Variants in CPQ observed in about 807,000 individuals in gnomAD.
CPQ encodes carboxypeptidase Q.
In CPQ, 37 loss-of-function variants were observed where a neutral mutation model predicts 45.7. The ratio of observed to expected loss-of-function variants is 0.81; its 90% CI spans 0.62 to 1.07. The LOEUF is 1.07. Among genes scored for constraint, CPQ ranks in the 50% least tolerant of loss-of-function variants. CPQ has a pLI of 0.00. For synonymous variants in CPQ, 186 were observed against 205.8 expected, an observed-to-expected ratio of 0.90 and a Z score of 0.82; for missense variants, 537 against 572.9, an observed-to-expected ratio of 0.94 and a Z score of 0.64.
intron 5 of CPQ, among the ~76,000 whole-genome samples, chr8:96,988,511 G>A (rs761411544): frequency 8.5e-5 from 13 of 152,122 alleles, no homozygotes; most frequent in Admixed American, 5.9e-4. Flanking sequence ...TTTATTGCTT[G>A]GAAACCATGA....
chr8:97,076,897 AAACTT>A (rs1271980042), intron 7 of CPQ, among the ~76,000 whole-genome samples: 5 of 152,184 alleles, frequency 3.3e-5, no homozygotes, highest in African/African-American at 9.7e-5. Flanking sequence ...GACTCCCCAA[AAACTT>A]AACTACTAAT....
intron 1 of CPQ, among the ~76,000 whole-genome samples, chr8:96,747,054 G>T (rs1281559980): frequency 6.6e-6 from 1 of 152,158 alleles, no homozygotes; most frequent in Non-Finnish European, 1.5e-5. Flanking sequence ...ACTTTGGGAG[G>T]CTGAGGCGGG....
At chr8:96,986,273 CA>C (rs1486663315) in intron 5 of CPQ, among the ~76,000 whole-genome samples, 1 of 152,190 alleles carries the variant, frequency 6.6e-6, no homozygotes, top group Non-Finnish European at 1.5e-5. Context: ...CCACCCTTGA[CA>C]AATGACCCTA....
At chr8:96,691,144 A>T (rs776429947) in intron 1 of CPQ, among the ~76,000 whole-genome samples, 1 of 152,210 alleles carries the variant, frequency 6.6e-6, no homozygotes, top group African/African-American at 2.4e-5. Flanking sequence ...AAATGAAGGT[A>T]ACAGCAGGGA....
chr8:96,663,420 G>A (rs1228436091), intron 1 of CPQ, among the ~76,000 whole-genome samples: 4 of 152,190 alleles, frequency 2.6e-5, no homozygotes, highest in Non-Finnish European at 5.9e-5. Flanking sequence ...CTTCCTGATG[G>A]GGAAGCAGTT....
At chr8:96,988,067 T>C (rs1007455168) in intron 5 of CPQ, among the ~76,000 whole-genome samples, 4 of 152,220 alleles carry the variant, frequency 2.6e-5, no homozygotes, top group Non-Finnish European at 5.9e-5. Context: ...ATCCAAAGAA[T>C]TCAGACACTT....
At chr8:96,786,689 T>C (rs1810772859) in intron 2 of CPQ, among the ~76,000 whole-genome samples, 1 of 152,160 alleles carries the variant, frequency 6.6e-6, no homozygotes, top group Non-Finnish European at 1.5e-5. Context: ...CACTTGTTAT[T>C]ATCTGTCTTC....
chr8:96,691,216 C>T (rs1428709932), intron 1 of CPQ, among the ~76,000 whole-genome samples: 1 of 152,162 alleles, frequency 6.6e-6, no homozygotes, highest in Admixed American at 6.5e-5. Flanking sequence ...GTTCTAGTGG[C>T]TCCAGATGTT....
chr8:97,034,099 A>T (rs1294159363), intron 6 of CPQ, among the ~76,000 whole-genome samples: 1 of 151,226 alleles, frequency 6.6e-6, no homozygotes, highest in South Asian at 2.1e-4. Flanking sequence ...ATTATAAAGG[A>T]TGTGAGGCTA....
At chr8:96,740,692 A>G (rs1174477313) in intron 1 of CPQ, among the ~76,000 whole-genome samples, 1 of 152,032 alleles carries the variant, frequency 6.6e-6, no homozygotes, top group South Asian at 2.1e-4. Context: ...AATTTTGTCA[A>G]AGGCCTTTTA....
chr8:96,968,106 TTAGTA>T (rs1410535979), intron 5 of CPQ, among the ~76,000 whole-genome samples: 4 of 152,214 alleles, frequency 2.6e-5, no homozygotes, highest in African/African-American at 9.6e-5. Flanking sequence ...CTCCTAACTT[TTAGTA>T]TATTAGCTAT....
intron 1 of CPQ, among the ~76,000 whole-genome samples, chr8:96,673,012 G>A (rs904622973): frequency 6.6e-6 from 1 of 151,902 alleles, no homozygotes; most frequent in Non-Finnish European, 1.5e-5. Flanking sequence ...CCAGGCAGAA[G>A]GAACAGTTAC....
intron 6 of CPQ, among the ~76,000 whole-genome samples, chr8:97,034,919 C>T (rs1181198254): frequency 2.0e-5 from 3 of 146,594 alleles, no homozygotes; most frequent in East Asian, 4.0e-4. Context: ...GAGATGGAGT[C>T]GTGCTCTGTC....
intron 4 of CPQ, among the ~76,000 whole-genome samples, chr8:96,955,285 C>T (rs957069966): frequency 2.0e-5 from 3 of 152,250 alleles, no homozygotes; most frequent in Admixed American, 6.5e-5. Context: ...TTAATGATCA[C>T]CATTCTAACT....
chr8:96,735,940 G>A (rs937448448), intron 1 of CPQ, among the ~76,000 whole-genome samples: 1 of 152,146 alleles, frequency 6.6e-6, no homozygotes, highest in South Asian at 2.1e-4. Flanking sequence ...CCATCCCTAA[G>A]GGAGGGTTGT....
intron 3 of CPQ, among the ~76,000 whole-genome samples, chr8:96,843,015 C>G (rs1349897861): frequency 6.6e-6 from 1 of 152,184 alleles, no homozygotes; most frequent in Non-Finnish European, 1.5e-5. Flanking sequence ...AAGCGATTCT[C>G]CGGTCTCAGC....
At chr8:96,798,063 AG>A in intron 2 of CPQ, among the ~76,000 whole-genome samples, 1 of 151,210 alleles carries the variant, frequency 6.6e-6, no homozygotes, top group Non-Finnish European at 1.5e-5. Context: ...AAAAAAAAAA[AG>A]TTAAAGTAGG....
At chr8:96,737,230 TACACACACAC>T (rs377227683) in intron 1 of CPQ, among the ~76,000 whole-genome samples, 3 of 142,160 alleles carry the variant, frequency 2.1e-5, no homozygotes, top group South Asian at 2.2e-4. Context: ...ACTAATAAGA[TACACACACAC>T]ACACACACAC....
chr8:97,039,976 G>A (rs202059980), intron 6 of CPQ, among the ~76,000 whole-genome samples: 5 of 149,914 alleles, frequency 3.3e-5, no homozygotes, highest in Admixed American at 2.0e-4. Context: ...AGCATGATTT[G>A]TAGTCCTTTG....
Sources: gnomAD v4.1 joint callset for allele counts (sites outside exome capture counted in the v4.1 genomes callset) on GRCh38, gnomAD v4.1.1 for gene constraint, MANE v1.5 for transcripts, NCBI Gene and HGNC (gene_info 2026-07-23, HGNC 2026-07-21) for gene names.